The following ESR1 variants were observed in gnomAD, a reference collection of about 807,000 sequenced individuals.
The protein encoded by ESR1 is estrogen receptor.
In ESR1, 12 loss-of-function variants were observed where a neutral mutation model predicts 52.7. The ratio of observed to expected loss-of-function variants is 0.23; its 90% confidence interval spans 0.15 to 0.37. The LOEUF is 0.37. Ranked by LOEUF, ESR1 falls within the 10% of genes least tolerant of loss-of-function variation. The pLI is 1.00. For missense variants in ESR1, 584 were observed against 779.7 expected (o/e 0.75, Z 2.99); for synonymous variants, 305 against 316.8 (o/e 0.96, Z 0.39).
At chr6:151,658,468 A>G (rs1026493278) in intron 1 of ESR1, among the ~76,000 whole-genome samples, 13 of 152,218 alleles carry the variant, frequency 8.5e-5, no homozygotes, top group Admixed American at 6.5e-5. Flanking sequence ...CAATAAAAAT[A>G]GTTGATTCCC....
intron 1 of ESR1, among the ~76,000 whole-genome samples, chr6:151,836,792 T>A (rs1216961291): frequency 1.3e-5 from 2 of 152,208 alleles, no homozygotes; most frequent in Non-Finnish European, 2.9e-5. Context: ...ATGAAGTTAT[T>A]GCACTAGAAC....
intron 1 of ESR1, among the ~76,000 whole-genome samples, chr6:151,839,152 T>C (rs570641814): frequency 9.5e-4 from 145 of 152,260 alleles, no homozygotes; most frequent in African/African-American, 3.3e-3. Flanking sequence ...AATTAATCAA[T>C]TGAAGATTAA....
At chr6:152,018,724 G>A (rs1329157040) in intron 5 of ESR1, among the ~76,000 whole-genome samples, 1 of 151,942 alleles carries the variant, frequency 6.6e-6, no homozygotes, top group African/African-American at 2.4e-5. Context: ...TTCCAGGACT[G>A]TTTAGGCCCT....
At chr6:151,929,088 G>A (rs573584920) in intron 3 of ESR1, among the ~76,000 whole-genome samples, 10 of 152,246 alleles carry the variant, frequency 6.6e-5, no homozygotes, top group South Asian at 2.1e-4. Flanking sequence ...TCATCATACC[G>A]TTTAGGTCAA....
chr6:151,886,419 A>G (rs1295884602), intron 3 of ESR1, among the ~76,000 whole-genome samples: 1 of 152,190 alleles, frequency 6.6e-6, no homozygotes, highest in Non-Finnish European at 1.5e-5. Flanking sequence ...TAAAGTAGTA[A>G]TTGTCAACTA....
rs779939957 is a variant in ESR1 at position 151,808,266 on chromosome 6, G to T, written c.354G>T (p.Ser118=). The T allele has an allele frequency of 2.5e-6, 4 of 1,585,178 alleles. No individual in the cohort carries two copies. In the South Asian group the frequency reaches 4.6e-5, roughly 18 times the overall value. The stretch of plus-strand genomic sequence containing the variant: ...TACTGCACCCGCCGCCGCAGCTGTC[G>T]CCTTTCCTGCAGCCCCACGGCCAGC... The part of the protein sequence containing the change: ...LMLLHPPPQL[S]PFLQPHGQQV... The change falls in exon 1 of 8, where the codon TCG becomes TCT. Residue 118 remains serine (S), a synonymous_variant. Coordinates refer to ENST00000206249, the MANE Select transcript of ESR1 (RefSeq NM_000125.4).
intron 2 of ESR1, among the ~76,000 whole-genome samples, chr6:151,765,913 A>G (rs1307444029): frequency 6.6e-6 from 1 of 152,214 alleles, no homozygotes; most frequent in African/African-American, 2.4e-5. Flanking sequence ...GCGTTGGTTT[A>G]TGCACATCCG....
chr6:151,857,485 C>A (rs898173226), intron 2 of ESR1, among the ~76,000 whole-genome samples: 18 of 150,526 alleles, frequency 1.2e-4, no homozygotes, highest in African/African-American at 4.1e-4. Context: ...ACAAACACAC[C>A]CACCCACCCA....
intron 5 of ESR1, among the ~76,000 whole-genome samples, chr6:152,051,985 T>A (rs2046718083): frequency 6.6e-6 from 1 of 152,190 alleles, no homozygotes; most frequent in African/African-American, 2.4e-5. Context: ...AAGGAATACC[T>A]GATGCCAGGT....
chr6:152,108,512 A>G (rs2051094317), intron 6 of ESR1, among the ~76,000 whole-genome samples: 1 of 152,236 alleles, frequency 6.6e-6, no homozygotes, highest in Admixed American at 6.5e-5. Flanking sequence ...GTGAGGATTT[A>G]CCAATACTCT....
intron 6 of ESR1, among the ~76,000 whole-genome samples, chr6:152,081,801 C>T (rs568733007): frequency 2.6e-5 from 4 of 152,008 alleles, no homozygotes; most frequent in Admixed American, 6.6e-5. Context: ...ATATCACCAC[C>T]GATCCCACAG....
intron 3 of ESR1, among the ~76,000 whole-genome samples, chr6:151,887,690 A>G (rs1265836924): frequency 6.6e-6 from 1 of 152,126 alleles, no homozygotes; most frequent in Non-Finnish European, 1.5e-5. Flanking sequence ...CCTATTAGGG[A>G]TGAAGGCAGG....
chr6:151,799,377 A>C (rs901535460), intron 2 of ESR1, among the ~76,000 whole-genome samples: 1 of 152,220 alleles, frequency 6.6e-6, no homozygotes, highest in African/African-American at 2.4e-5. Context: ...GTTGTTCTAG[A>C]AAATATGAAT....
chr6:151,676,653 C>T (rs9689018), intron 1 of ESR1, among the ~76,000 whole-genome samples: 5,612 of 152,286 alleles, frequency 0.037, 325 homozygotes, highest in African/African-American at 0.12. Flanking sequence ...AGCCTTCCTT[C>T]CCCAGACTTG....
rs1248075863 is a variant in ESR1 at position 152,098,193 on chromosome 6, G to C, written c.1554-539G>C. On this transcript the variant is annotated intron_variant, in intron 7 of 7. Transcript: ENST00000206249. The surrounding 1 kb of genome is among the most constrained non-coding windows in gnomAD (Gnocchi z 5.1). ...CAGGAAGAGCTTGGAGACATGGATG[G>C]AAGCTGGACCAGTTGGGCCTTGTTG... Among the ~76,000 whole-genome samples the C allele has an allele frequency of 6.6e-6, 1 of 152,162 alleles. No individual in the cohort carries two copies. The highest frequency in any genetic ancestry group is 6.5e-5 in the Admixed American group (1 of 15,284).
chr6:151,825,587 G>A (rs1207282240), intron 1 of ESR1, among the ~76,000 whole-genome samples: 1 of 152,110 alleles, frequency 6.6e-6, no homozygotes, highest in Non-Finnish European at 1.5e-5. Flanking sequence ...TGGAAGGCAT[G>A]TTTGGGAGTA....
chr6:151,766,813 A>G (rs1785093844), intron 2 of ESR1, among the ~76,000 whole-genome samples: 1 of 152,234 alleles, frequency 6.6e-6, no homozygotes, highest in Non-Finnish European at 1.5e-5. Flanking sequence ...CAGAAGCTGT[A>G]GTAGGTTCTT....
intron 2 of ESR1, among the ~76,000 whole-genome samples, chr6:151,708,402 A>G (rs1780337075): frequency 6.6e-6 from 1 of 152,168 alleles, no homozygotes; most frequent in South Asian, 2.1e-4. Flanking sequence ...ATATATTCTT[A>G]GTAATTGGGG....
At chr6:151,781,322 G>T (rs954643835) in intron 2 of ESR1, among the ~76,000 whole-genome samples, 1 of 152,200 alleles carries the variant, frequency 6.6e-6, no homozygotes, top group Non-Finnish European at 1.5e-5. Flanking sequence ...GTGTCTACAT[G>T]GTGGAAGGCG....
Sources: allele counts gnomAD v4.1 joint callset (sites outside exome capture counted in the v4.1 genomes callset), GRCh38; gene constraint gnomAD v4.1.1; non-coding constraint Gnocchi (gnomAD v3.1); transcripts MANE v1.5; gene names NCBI Gene and HGNC (gene_info 2026-07-23, HGNC 2026-07-21).